CDC25C: variants seen among roughly 807,000 people sequenced by gnomAD.
The protein encoded by CDC25C is cell division cycle 25C.
CDC25C carries 48 observed loss-of-function variants against 52.5 expected under a neutral mutation model. The observed-to-expected ratio is 0.91, with a 90% CI of 0.72 to 1.16. CDC25C has a LOEUF of 1.16. CDC25C is among the 50% of genes most tolerant of loss of function. CDC25C has a pLI of 0.00. For synonymous variants in CDC25C, 187 were observed against 206.5 expected (o/e 0.91, Z 0.81); for missense variants, 510 against 566.1 (o/e 0.90, Z 1.01).
intron 7 of CDC25C, among the ~76,000 whole-genome samples, chr5:138,309,658 CAA>C (rs1758294598): frequency 6.6e-6 from 1 of 151,354 alleles, no homozygotes; most frequent in African/African-American, 2.4e-5. Flanking sequence ...ATTATACTAT[CAA>C]GAGCTCAAAC....
chr5:138,294,048 C>T (rs1414409427), intron 7 of CDC25C, among the ~76,000 whole-genome samples: 14 of 129,312 alleles, frequency 1.1e-4, no homozygotes, highest in African/African-American at 3.4e-4. Context: ...TTTTTTGAGA[C>T]AGAGTCTCAC....
At chr5:138,324,177 A>G (rs1232787764) in intron 6 of CDC25C, among the ~76,000 whole-genome samples, 1 of 151,958 alleles carries the variant, frequency 6.6e-6, no homozygotes, top group Non-Finnish European at 1.5e-5. Context: ...AGGCTGAGAC[A>G]GGAGAATTGC....
upstream of CDC25C, chr5:138,331,885 C>T (rs1760423879): frequency 2.0e-6 from 2 of 985,550 alleles, no homozygotes; most frequent in African/African-American, 3.5e-5. Context: ...GCTGCGTCAG[C>T]CAATCTCCGC....
rs150416645 is a variant in CDC25C, at chr5:138,318,048, G to A, written c.615+1171C>T. 2.1e-4 allele frequency among the ~76,000 whole-genome samples: 32 copies of A among 152,262 alleles called. No individual in the cohort carries two copies. In the East Asian group the frequency reaches 4.4e-3, roughly 21 times the overall value. ...ACCCTACAGTCTAAAGATAGGTTAC[G>A]CCAGGCGTGGTGGCTCATGCCTGTA... On this transcript the variant is annotated intron_variant, in intron 7 of 13. Coordinates refer to ENST00000323760, the MANE Select transcript of CDC25C (RefSeq NM_001790.5).
rs779022594 is a variant in CDC25C at position 138,319,204 on chromosome 5, C to T, written c.615+15G>A. On this transcript the variant is annotated intron_variant, in intron 7 of 13. Coordinates refer to ENST00000323760, the MANE Select transcript of CDC25C (RefSeq NM_001790.5). ...AATATGAAGAATACAAAGATACTACCACAGAACACTTTACCTTTGCTTCTT... is the reference window on the plus strand; with the variant it reads ...AATATGAAGAATACAAAGATACTACTACAGAACACTTTACCTTTGCTTCTT... 2 of 1,601,338 alleles carry T rather than the reference C, an allele frequency of 1.2e-6. No individual in the cohort carries two copies. The highest frequency in any genetic ancestry group is 1.7e-5 in the Admixed American group (1 of 59,408).
At chr5:138,326,967 A>AG (rs1360765724) in intron 4 of CDC25C, among the ~76,000 whole-genome samples, 1 of 150,460 alleles carries the variant, frequency 6.6e-6, no homozygotes, top group Non-Finnish European at 1.5e-5. Flanking sequence ...AAAAAAAAAA[A>AG]AAAAAAAGGC....
intron 7 of CDC25C, among the ~76,000 whole-genome samples, chr5:138,314,539 A>ACC (rs895167862): frequency 7.0e-6 from 1 of 142,392 alleles, no homozygotes; most frequent in South Asian, 2.2e-4. Flanking sequence ...CAGGTGATCC[A>ACC]CCCACCTTGA....
At chr5:138,312,022 A>G (rs1443981879) in intron 7 of CDC25C, among the ~76,000 whole-genome samples, 2 of 152,234 alleles carry the variant, frequency 1.3e-5, no homozygotes, top group Non-Finnish European at 1.5e-5. Flanking sequence ...TAGTCATCAG[A>G]TGGATAGTAT....
intron 7 of CDC25C, among the ~76,000 whole-genome samples, chr5:138,302,529 G>A (rs747015808): frequency 6.6e-6 from 1 of 150,378 alleles, no homozygotes; most frequent in African/African-American, 2.4e-5. Context: ...GAGAAACCCC[G>A]TCTCTACTAA....
In CDC25C at chr5:138,329,602, C is replaced by T; in HGVS notation, c.240G>A (p.Gly80=). 2 of 1,613,708 alleles carry T rather than the reference C, an allele frequency of 1.2e-6. No individual in the cohort carries two copies. The highest frequency in any genetic ancestry group is 2.2e-5 in the South Asian group (2 of 91,070). Residue 80 remains glycine, a synonymous_variant, in exon 3 of 14, where the codon GGG becomes GGA. Coordinates refer to ENST00000323760, the MANE Select transcript of CDC25C (RefSeq NM_001790.5). The part of the protein sequence containing the change: ...RCLDLSNLSS[G]EITATQLTTS... ...TGGTAAGCTGAGTGGCAGTTATCTC[C>T]CCACTGCTAAGATTCGAAAGATCGA... is the stretch of plus-strand genomic sequence containing the variant.
rs1438478553 is a variant in CDC25C at position 138,294,469 on chromosome 5, TG to T, written c.616-2354del. 2.7e-5 allele frequency among the ~76,000 whole-genome samples: 4 copies of T among 147,640 alleles called. No homozygotes were observed. In the Admixed American group the frequency reaches 2.7e-4, roughly 10 times the overall value. On this transcript the variant is annotated intron_variant, in intron 7 of 13. Coordinates refer to ENST00000323760, the MANE Select transcript of CDC25C (RefSeq NM_001790.5). ...CCTCCCAAAGTTCTGGGATTACAAG[TG>T]TGAGCCACCGTGCCCAACCACTCAG...
Position 138,285,809 on chromosome 5 carries a change from C to T in CDC25C, c.1305G>A (p.Met435Ile), listed in dbSNP as rs1386686576. The change falls in exon 14 of 14, where the codon ATG becomes ATA. Residue 435 changes from methionine to isoleucine, a missense_variant. Coordinates refer to ENST00000323760, the MANE Select transcript of CDC25C (RefSeq NM_001790.5). ...ACTCAGTCTTGTGGTCCTGATGATG[C>T]ATAGGGCAGTAGCTCTGTGGTTCAC... ...ELCEPQSYCP[M>I]HHQDHKTELL... The T allele has an allele frequency of 1.9e-6, 3 of 1,614,174 alleles. No homozygotes were observed. Among genetic ancestry groups the T allele is most frequent in the South Asian group, 2.2e-5 (2 of 91,080 alleles).
At chr5:138,321,760 A>AC (rs1759418388) in intron 6 of CDC25C, among the ~76,000 whole-genome samples, 1 of 139,456 alleles carries the variant, frequency 7.2e-6, no homozygotes, top group Non-Finnish European at 1.6e-5. Flanking sequence ...CAAAAAAAAA[A>AC]AAAAAAAAAA....
At chr5:138,320,845 G>A (rs552810911) in intron 6 of CDC25C, among the ~76,000 whole-genome samples, 1 of 137,680 alleles carries the variant, frequency 7.3e-6, no homozygotes, top group Non-Finnish European at 1.5e-5. Context: ...GAACCTGGGA[G>A]ATAAAGGTTG....
At chr5:138,332,271 GT>G (rs1235259265), upstream of CDC25C, 2 of 152,282 alleles carry the variant, frequency 1.3e-5, no homozygotes, top group Non-Finnish European at 2.9e-5. Context: ...TTTCGCGGAC[GT>G]TTTCTTCTAA....
At chr5:138,311,203 A>G (rs549834328) in intron 7 of CDC25C, among the ~76,000 whole-genome samples, 2 of 152,184 alleles carry the variant, frequency 1.3e-5, no homozygotes, top group Non-Finnish European at 2.9e-5. Context: ...TGTCCCAAAG[A>G]GCAAAGTTAA....
At chr5:138,314,136 C>T (rs1164504705) in intron 7 of CDC25C, among the ~76,000 whole-genome samples, 1 of 151,454 alleles carries the variant, frequency 6.6e-6, no homozygotes, top group Non-Finnish European at 1.5e-5. Flanking sequence ...GCTGGGATTA[C>T]AGGTGCCCAA....
intron 8 of CDC25C, among the ~76,000 whole-genome samples, 158 bp downstream of exon 8, chr5:138,291,812 C>A (rs1293228166): frequency 6.7e-6 from 1 of 149,656 alleles, no homozygotes; most frequent in Non-Finnish European, 1.5e-5. Flanking sequence ...CACGTGGATA[C>A]AGATGTAGAA....
At chr5:138,330,408 C>G (rs891717018) in intron 2 of CDC25C, among the ~76,000 whole-genome samples, 3 of 152,156 alleles carry the variant, frequency 2.0e-5, no homozygotes, top group Non-Finnish European at 2.9e-5. Context: ...AATAAAGTGA[C>G]CGACTCGTAA....
Sources: allele counts gnomAD v4.1 joint callset (sites outside exome capture counted in the v4.1 genomes callset), GRCh38; gene constraint gnomAD v4.1.1; transcripts MANE v1.5; gene names NCBI Gene and HGNC (gene_info 2026-07-23, HGNC 2026-07-21).